Variants in CFAP20DC observed in about 807,000 individuals in gnomAD.
CFAP20DC encodes CFAP20 domain containing.
Under a neutral mutation model 101.7 loss-of-function variants are expected in CFAP20DC, and 84 were observed. That is an observed-to-expected ratio of 0.83 (90% CI 0.69 to 0.99). The LOEUF is 0.99. Ranked by LOEUF, CFAP20DC falls within the 50% of genes least tolerant of loss-of-function variation. CFAP20DC has a pLI of 0.00. For synonymous variants in CFAP20DC, 359 were observed against 351.2 expected (o/e 1.02, Z -0.25); for missense variants, 1,007 against 970.3 (o/e 1.04, Z -0.50).
downstream of CFAP20DC, among the ~76,000 whole-genome samples, chr3:58,740,646 T>C (rs1217551408): frequency 1.3e-5 from 2 of 152,200 alleles, no homozygotes; most frequent in African/African-American, 4.8e-5. This position sits in a 1 kb window ranked among gnomAD's most constrained non-coding sequence, Gnocchi z 4.6. Flanking sequence ...CCTTACAGCA[T>C]TCTGTTTTGG....
Position 59,006,102 on chromosome 3 carries a change from T to C in CFAP20DC, c.278+33455A>G, listed in dbSNP as rs2093427417. Among the ~76,000 whole-genome samples, 1 of 152,170 alleles carries C rather than the reference T, an allele frequency of 6.6e-6. No homozygotes were observed. Among genetic ancestry groups the C allele is most frequent in the African/African-American group, 2.4e-5 (1 of 41,436 alleles). ...ATAAATATGTAATATACTGTGTATA[T>C]GTATATATACACACATCTATACATG... is the stretch of plus-strand genomic sequence containing the variant. On this transcript the variant is annotated intron_variant, in intron 4 of 16. Transcript: ENST00000482387. The surrounding 1 kb of genome is among the most constrained non-coding windows in gnomAD (Gnocchi z 4.3).
intron 4 of CFAP20DC, chr3:58,992,513 T>C: frequency 3.1e-6 from 3 of 958,532 alleles, no homozygotes; most frequent in Non-Finnish European, 3.7e-6. Flanking sequence ...CTCACCTCGT[T>C]CTTCAAATGG....
At chr3:58,720,453 A>T (rs551792797) in intron 3 of CFAP20DC, among the ~76,000 whole-genome samples, 14 of 151,966 alleles carry the variant, frequency 9.2e-5, no homozygotes, top group Middle Eastern at 3.4e-3. Flanking sequence ...ACCATCTAAT[A>T]CTCCCTGGGC....
At position 58,931,444 on chromosome 3, in the gene CFAP20DC, G is replaced by T. The variant is rs570213204; in HGVS notation, c.393+6204C>A. ...GTGGTTCTCCCAGCACACAGCTGGA[G>T]ATCTAAGAACGGGCAGACTGCCTCC... On this transcript the variant is annotated intron_variant, in intron 5 of 16. Coordinates refer to ENST00000482387, the MANE Select transcript of CFAP20DC (RefSeq NM_001394063.1). Among the ~76,000 whole-genome samples the T allele has an allele frequency of 1.3e-4, 20 of 152,344 alleles. No homozygotes were observed. In the South Asian group the frequency reaches 3.9e-3, roughly 30 times the overall value.
rs182791334 is a variant in CFAP20DC, at chr3:58,897,030, A to G, written c.551-12321T>C. 6.6e-6 allele frequency among the ~76,000 whole-genome samples: 1 copy of G among 152,252 alleles called. No individual in the cohort carries two copies. Among genetic ancestry groups the G allele is most frequent in the East Asian group, 1.9e-4 (1 of 5,186 alleles). ...TTGTATGGGAGTCTAAGTCTCTTTG[A>G]AAGTCTCTAAGAACCTGCTTTATGA... On this transcript the variant is annotated intron_variant, in intron 6 of 16. Transcript: ENST00000482387. The surrounding 1 kb of genome is among the most constrained non-coding windows in gnomAD (Gnocchi z 4.4).
At chr3:58,813,332 T>C (rs73837968) in intron 14 of CFAP20DC, among the ~76,000 whole-genome samples, 1 of 151,964 alleles carries the variant, frequency 6.6e-6, no homozygotes. Context: ...AAAAATTCCA[T>C]CCTCTTTTTG....
In CFAP20DC at chr3:59,007,931, G is replaced by A. The variant is rs2093476850; in HGVS notation, c.278+31626C>T. On this transcript the variant is annotated intron_variant, in intron 4 of 16. Coordinates refer to ENST00000482387, the MANE Select transcript of CFAP20DC (RefSeq NM_001394063.1). This position sits in a 1 kb window ranked among gnomAD's most constrained non-coding sequence, Gnocchi z 4.4. ...CTCATAGCAGAGAAACAATTGCAAT[G>A]TGGGGAGCAATAGGGAAAATCTGCA... 6.6e-6 allele frequency among the ~76,000 whole-genome samples: 1 copy of A among 152,186 alleles called. No homozygotes were observed. Among genetic ancestry groups the A allele is most frequent in the Non-Finnish European group, 1.5e-5 (1 of 68,038 alleles).
intron 4 of CFAP20DC, among the ~76,000 whole-genome samples, chr3:58,980,734 C>A (rs2108495751): frequency 6.6e-6 from 1 of 152,308 alleles, no homozygotes; most frequent in Admixed American, 6.5e-5. Context: ...CTATGACAAA[C>A]CCACAGCGAA....
intron 1 of CFAP20DC, among the ~76,000 whole-genome samples, chr3:59,048,783 C>T (rs1371951729): frequency 6.6e-6 from 1 of 152,090 alleles, no homozygotes; most frequent in Admixed American, 6.6e-5. Flanking sequence ...TTCATCAGAA[C>T]AGCAGGACTA....
chr3:58,979,601 G>A (rs1040915141), intron 4 of CFAP20DC, among the ~76,000 whole-genome samples: 6 of 152,080 alleles, frequency 3.9e-5, no homozygotes, highest in African/African-American at 1.2e-4. Context: ...CTCTGCTTCC[G>A]GTCTGGTATC....
At chr3:58,989,589 C>G (rs769343394) in intron 4 of CFAP20DC, among the ~76,000 whole-genome samples, 3 of 152,016 alleles carry the variant, frequency 2.0e-5, no homozygotes, top group Non-Finnish European at 4.4e-5. Flanking sequence ...ACATTCCAAA[C>G]AAATCTATAA....
intron 15 of CFAP20DC, among the ~76,000 whole-genome samples, chr3:58,763,914 C>T (rs549292635): frequency 2.0e-5 from 3 of 152,300 alleles, no homozygotes; most frequent in Admixed American, 6.5e-5. Context: ...ATCTCAGAGG[C>T]ATACCTGGCC....
rs546952090 is a variant in CFAP20DC at position 58,944,117 on chromosome 3, C to T, written c.279-6355G>A. The stretch of plus-strand genomic sequence containing the variant: ...ATTTGATTGGTATACCTGAAAGTGA[C>T]GGGGAGAATGGAACCAAGTAGGAAA... On this transcript the variant is annotated intron_variant, in intron 4 of 16. Coordinates refer to ENST00000482387, the MANE Select transcript of CFAP20DC (RefSeq NM_001394063.1). Among the ~76,000 whole-genome samples, 12 of 152,126 alleles carry T rather than the reference C, an allele frequency of 7.9e-5. No individual in the cohort carries two copies. The East Asian group carries it at 1.4e-3, about 17-fold the overall frequency.
intron 15 of CFAP20DC, among the ~76,000 whole-genome samples, chr3:58,765,507 A>AAAAAACAAAAAAAAAAAAAAAAAAC (rs1553651634): frequency 6.8e-6 from 1 of 146,586 alleles, no homozygotes; most frequent in African/African-American, 2.5e-5. Context: ...AAAAAAAAAA[A>AAAAAACAAAAAAAAAAAAAAAAAAC]CAAACAGAAA....
intron 4 of CFAP20DC, among the ~76,000 whole-genome samples, chr3:59,008,567 T>G (rs987628280): frequency 1.8e-4 from 28 of 152,232 alleles, no homozygotes; most frequent in South Asian, 6.2e-4. Context: ...TAGGGACATG[T>G]ATGAAACTGG....
intron 14 of CFAP20DC, among the ~76,000 whole-genome samples, chr3:58,819,572 C>G (rs1260751566): frequency 6.7e-6 from 1 of 149,558 alleles, no homozygotes; most frequent in Non-Finnish European, 1.5e-5. Context: ...AACACATACA[C>G]TCTCCCAAGA....
intron 15 of CFAP20DC, among the ~76,000 whole-genome samples, chr3:58,802,922 T>C (rs953796593): frequency 1.3e-5 from 2 of 151,536 alleles, no homozygotes; most frequent in Non-Finnish European, 2.9e-5. Flanking sequence ...AAAATGTGCA[T>C]GAGTGATCAC....
chr3:58,867,768 T>C, intron 10 of CFAP20DC, 49 bp downstream of exon 10: 1 of 1,605,428 alleles, frequency 6.2e-7, no homozygotes, highest in Non-Finnish European at 8.5e-7. Flanking sequence ...GAGATTCGAT[T>C]GCCCTGAATA....
chr3:58,960,348 C>T (rs1435703049), intron 4 of CFAP20DC, among the ~76,000 whole-genome samples: 5 of 151,762 alleles, frequency 3.3e-5, no homozygotes, highest in South Asian at 2.1e-4. Context: ...CAAAATTAGC[C>T]GGGCGTGGTG....
Sources: allele counts gnomAD v4.1 joint callset (sites outside exome capture counted in the v4.1 genomes callset), GRCh38; gene constraint gnomAD v4.1.1; non-coding constraint Gnocchi (gnomAD v3.1); transcripts MANE v1.5; gene names NCBI Gene and HGNC (gene_info 2026-07-23, HGNC 2026-07-21).